MDGA2: variants seen among roughly 807,000 people sequenced by gnomAD.
MDGA2 encodes the protein MAM domain containing glycosylphosphatidylinositol anchor 2.
A neutral mutation model predicts 117.8 loss-of-function variants in MDGA2; 40 were observed. That is an observed-to-expected ratio of 0.34 (90% confidence interval 0.26 to 0.44). The LOEUF (loss-of-function observed/expected upper bound fraction) is 0.44. Among genes scored for constraint, MDGA2 ranks in the 20% least tolerant of loss-of-function variants. The pLI, the probability that MDGA2 is intolerant of heterozygous loss-of-function variation, is 1.00. For synonymous variants in MDGA2, 452 were observed against 439.0 expected, an observed-to-expected ratio of 1.03 and a Z score of -0.37; for missense variants, 1,123 against 1,250.6, an observed-to-expected ratio of 0.90 and a Z score of 1.54.
At chr14:47,365,034 A>C (rs1891201731) in intron 1 of MDGA2, among the ~76,000 whole-genome samples, 1 of 152,324 alleles carries the variant, frequency 6.6e-6, no homozygotes, top group South Asian at 2.1e-4. Context: ...AGAAAACCCA[A>C]CTGTACAAAA....
chr14:47,359,385 A>G (rs879430016), intron 1 of MDGA2, among the ~76,000 whole-genome samples: 21 of 152,060 alleles, frequency 1.4e-4, no homozygotes, highest in Admixed American at 5.9e-4. Context: ...AAACAAACAA[A>G]AAACATTATG....
intron 1 of MDGA2, among the ~76,000 whole-genome samples, chr14:47,620,392 C>T (rs760107647): frequency 3.3e-5 from 5 of 152,146 alleles, no homozygotes; most frequent in African/African-American, 7.2e-5. Flanking sequence ...GTTGTTTAGA[C>T]GAAATCTTTG....
At chr14:46,978,708 T>G (rs1886559716) in intron 8 of MDGA2, among the ~76,000 whole-genome samples, 1 of 152,044 alleles carries the variant, frequency 6.6e-6, no homozygotes, top group Non-Finnish European at 1.5e-5. Flanking sequence ...GTTGCTGCAT[T>G]TAGACACATT....
At chr14:47,632,370 C>T (rs1897258213) in intron 1 of MDGA2, among the ~76,000 whole-genome samples, 1 of 152,138 alleles carries the variant, frequency 6.6e-6, no homozygotes, top group Non-Finnish European at 1.5e-5. Context: ...TTAAATATGT[C>T]TTCTTGATAT....
chr14:47,204,288 A>T (rs1193666497), intron 3 of MDGA2, among the ~76,000 whole-genome samples: 1 of 152,042 alleles, frequency 6.6e-6, no homozygotes, highest in African/African-American at 2.4e-5. Context: ...TGGAGAGAAA[A>T]TTAAGCAGCA....
chr14:47,199,598 AG>A (rs538660276), intron 3 of MDGA2, among the ~76,000 whole-genome samples: 27 of 152,274 alleles, frequency 1.8e-4, no homozygotes, highest in Admixed American at 6.5e-4. Flanking sequence ...ATAACATAAC[AG>A]GATGAAGTCT....
chr14:47,254,057 T>C (rs942620929), intron 2 of MDGA2, among the ~76,000 whole-genome samples: 1 of 152,198 alleles, frequency 6.6e-6, no homozygotes, highest in Non-Finnish European at 1.5e-5. Context: ...CACCATGTCC[T>C]GAGGCTGCAT....
chr14:47,280,222 G>A (rs1242016425), intron 2 of MDGA2, among the ~76,000 whole-genome samples: 1 of 145,194 alleles, frequency 6.9e-6, no homozygotes, highest in Non-Finnish European at 1.5e-5. Flanking sequence ...GCTGAGGCAG[G>A]AGAATCACTT....
At chr14:46,963,366 G>A (rs995796295) in intron 8 of MDGA2, among the ~76,000 whole-genome samples, 4 of 152,182 alleles carry the variant, frequency 2.6e-5, no homozygotes, top group Admixed American at 1.3e-4. Context: ...TCAAATGCGT[G>A]TTTAACAGAA....
At chr14:47,565,786 C>T (rs528041670) in intron 1 of MDGA2, among the ~76,000 whole-genome samples, 5 of 152,298 alleles carry the variant, frequency 3.3e-5, no homozygotes, top group East Asian at 3.9e-4. Flanking sequence ...TACCCATGGC[C>T]GTGCTGGCAT....
At chr14:46,875,080 C>A (rs555737266) in intron 12 of MDGA2, among the ~76,000 whole-genome samples, 1 of 151,870 alleles carries the variant, frequency 6.6e-6, no homozygotes, top group African/African-American at 2.4e-5. Context: ...TGTGAAATCA[C>A]AATAATCCTT....
At chr14:47,425,827 A>G (rs1322389923) in intron 1 of MDGA2, among the ~76,000 whole-genome samples, 2 of 152,110 alleles carry the variant, frequency 1.3e-5, no homozygotes, top group Non-Finnish European at 2.9e-5. Flanking sequence ...TCCTTTATGT[A>G]AAAGTCTTAC....
chr14:46,848,035 A>G (rs1450593579), intron 15 of MDGA2, among the ~76,000 whole-genome samples: 1 of 152,022 alleles, frequency 6.6e-6, no homozygotes. Context: ...AGGGTTTACA[A>G]TGTAGCCATA....
chr14:47,668,496 C>A (rs1247890989), intron 1 of MDGA2, among the ~76,000 whole-genome samples: 1 of 152,144 alleles, frequency 6.6e-6, no homozygotes, highest in Non-Finnish European at 1.5e-5. Context: ...ATCTTAAAGT[C>A]TCTTCTCCCA....
At position 47,218,058 on chromosome 14, in the gene MDGA2, C is replaced by A. The variant is rs984675150; in HGVS notation, c.558G>T (p.Gly186=). The A allele has an allele frequency of 1.3e-4, 203 of 1,550,936 alleles. No homozygotes were observed. The highest frequency in any genetic ancestry group is 1.7e-4 in the Non-Finnish European group (196 of 1,146,528). ...RYYCKAENGL[G]SPAIKSIRVD... ...CTCTGATTGACTTTATCGCTGGAGA[C>A]CCCAAGCCATTCTCTGCTTTACAGT... Residue 186 remains glycine, a synonymous_variant, in exon 3 of 17, where the codon GGG becomes GGT. Coordinates refer to ENST00000399232, the MANE Select transcript of MDGA2 (RefSeq NM_001113498.3).
chr14:46,865,272 C>T (rs1566497462), intron 14 of MDGA2, among the ~76,000 whole-genome samples: 2 of 151,176 alleles, frequency 1.3e-5, no homozygotes, highest in Admixed American at 6.6e-5. Flanking sequence ...TCCATTCTTG[C>T]AAAACTCTTG....
chr14:47,214,017 G>A (rs187800140), intron 3 of MDGA2, among the ~76,000 whole-genome samples: 7 of 152,132 alleles, frequency 4.6e-5, no homozygotes, highest in South Asian at 2.1e-4. Context: ...AGCGAAGAGG[G>A]GGGTAAAGAG....
At chr14:47,075,170 T>G (rs1473020659) in intron 6 of MDGA2, among the ~76,000 whole-genome samples, 1 of 152,210 alleles carries the variant, frequency 6.6e-6, no homozygotes, top group Non-Finnish European at 1.5e-5. Context: ...AATGTCATCT[T>G]TTTTGTAATG....
intron 7 of MDGA2, among the ~76,000 whole-genome samples, chr14:47,057,181 G>C (rs920531008): frequency 1.2e-4 from 18 of 151,990 alleles, no homozygotes; most frequent in African/African-American, 4.3e-4. Flanking sequence ...TCCTTCCACT[G>C]TCACTAGCGC....
Sources: gnomAD v4.1 joint callset for allele counts (sites outside exome capture counted in the v4.1 genomes callset) on GRCh38, gnomAD v4.1.1 for gene constraint, MANE v1.5 for transcripts, NCBI Gene and HGNC (gene_info 2026-07-23, HGNC 2026-07-21) for gene names.